Variants in SLC7A14 observed in about 807,000 individuals in gnomAD.
SLC7A14 encodes gamma-aminobutyric acid transporter SLC7A14.
A neutral mutation model predicts 60.2 loss-of-function variants in SLC7A14; 37 were observed. The observed-to-expected ratio is 0.61, with a 90% CI of 0.47 to 0.81. The LOEUF (loss-of-function observed/expected upper bound fraction) is 0.81, where lower values mean the gene tolerates loss of function less well. SLC7A14 is among the 30% of genes least tolerant of loss of function. The pLI is 0.00. For missense variants in SLC7A14, 886 were observed against 982.7 expected, an observed-to-expected ratio of 0.90 and a Z score of 1.32; for synonymous variants, 399 against 395.8, an observed-to-expected ratio of 1.01 and a Z score of -0.10.
At chr3:170,501,039 T>C in intron 3 of SLC7A14, 70 bp downstream of exon 3, 1 of 1,504,306 alleles carries the variant, frequency 6.6e-7, no homozygotes, top group Non-Finnish European at 9.2e-7. Context: ...AATTGCTTTC[T>C]GAAAGGAGAA....
chr3:170,469,597 A>G (rs1739824858), intron 7 of SLC7A14, among the ~76,000 whole-genome samples: 1 of 152,100 alleles, frequency 6.6e-6, no homozygotes, highest in South Asian at 2.1e-4. Flanking sequence ...TTCTTGGAGA[A>G]TGCCTCTGTC....
intron 1 of SLC7A14, among the ~76,000 whole-genome samples, chr3:170,530,425 C>T (rs1181458585): frequency 1.3e-5 from 2 of 152,020 alleles, no homozygotes; most frequent in Admixed American, 6.6e-5. Flanking sequence ...CAAAGTAGGC[C>T]GGGAGAAGGG....
intron 1 of SLC7A14, among the ~76,000 whole-genome samples, chr3:170,564,117 CA>C (rs1714732683): frequency 6.6e-6 from 1 of 152,204 alleles, no homozygotes; most frequent in Non-Finnish European, 1.5e-5. Context: ...ATCCTCTCTC[CA>C]GTGTCGTCAG....
intron 1 of SLC7A14, among the ~76,000 whole-genome samples, chr3:170,537,296 A>G (rs890927502): frequency 3.9e-5 from 6 of 152,112 alleles, no homozygotes; most frequent in African/African-American, 1.2e-4. Context: ...AAAACCAGCA[A>G]CATAGTATCT....
rs1739623874 is a variant in SLC7A14 at position 170,462,266 on chromosome 3, G to A, written c.*4789C>T. On this transcript the variant is annotated 3_prime_UTR_variant, in exon 8 of 8. Transcript: ENST00000231706. Reference sequence around the variant, plus strand: ...TCAACCTGATGTAGCTTCTGTTTATGTTGCAGATAAGAGGTGGTTTCTTGT... The same window carrying A: ...TCAACCTGATGTAGCTTCTGTTTATATTGCAGATAAGAGGTGGTTTCTTGT... 1 of 152,164 alleles carries A rather than the reference G, an allele frequency of 6.6e-6. No homozygotes were observed. The highest frequency in any genetic ancestry group is 2.1e-4 in the South Asian group (1 of 4,824). 9.4% of individuals were successfully genotyped at this position (152,164 alleles called of 1,614,324 possible).
intron 1 of SLC7A14, among the ~76,000 whole-genome samples, chr3:170,552,752 T>C (rs1462967874): frequency 6.6e-6 from 1 of 152,254 alleles, no homozygotes; most frequent in Non-Finnish European, 1.5e-5. Flanking sequence ...TGTTTTCTTC[T>C]CTGCCTTTTC....
intron 5 of SLC7A14, 46 bp downstream of exon 5, chr3:170,486,176 C>A: frequency 6.2e-7 from 1 of 1,606,538 alleles, no homozygotes; most frequent in Non-Finnish European, 8.5e-7. Flanking sequence ...GAGCTCAGTG[C>A]CAGGGCCACA....
chr3:170,559,231 A>G (rs568451753), intron 1 of SLC7A14, among the ~76,000 whole-genome samples: 1 of 152,088 alleles, frequency 6.6e-6, no homozygotes, highest in South Asian at 2.1e-4. Flanking sequence ...TATAAAATGT[A>G]TTTTTTTTCT....
chr3:170,550,799 G>A (rs1714327116), intron 1 of SLC7A14, among the ~76,000 whole-genome samples: 1 of 151,986 alleles, frequency 6.6e-6, no homozygotes, highest in African/African-American at 2.4e-5. Context: ...TGGGATTACA[G>A]GCATGAGACA....
chr3:170,486,291 C>A lies in SLC7A14; in HGVS notation c.837G>T (p.Lys279Asn). 6.2e-7 allele frequency: 1 copy of A among 1,614,234 alleles called. No individual in the cohort carries two copies. The change falls in exon 5 of 8, where the codon AAG (lysine) becomes AAT (asparagine). Residue 279 changes from lysine to asparagine, a missense_variant. Transcript: ENST00000231706. ...CATAAGGGATGGACGTGTTGGGATT[C>A]TTGGCTTCCTCTCCAGTGGTGGCGA... ...DIIATTGEEA[K>N]NPNTSIPYAI...
chr3:170,497,087 C>CA (rs548290941), intron 4 of SLC7A14, among the ~76,000 whole-genome samples: 9,191 of 91,642 alleles, frequency 0.1, 267 homozygotes, highest in East Asian at 0.17. Context: ...TTATTTTGTC[C>CA]AAAAAAAAAA....
At chr3:170,490,031 A>C (rs1228550666) in intron 4 of SLC7A14, among the ~76,000 whole-genome samples, 2 of 152,180 alleles carry the variant, frequency 1.3e-5, no homozygotes, top group African/African-American at 4.8e-5. Context: ...CTACTATTAG[A>C]TAACATAACA....
intron 4 of SLC7A14, among the ~76,000 whole-genome samples, chr3:170,492,111 C>G (rs189265344): frequency 1.3e-5 from 2 of 152,096 alleles, no homozygotes; most frequent in African/African-American, 4.8e-5. Flanking sequence ...CCACTGAAAC[C>G]GTTTTCTACG....
chr3:170,556,084 T>C (rs1281918476), intron 1 of SLC7A14, among the ~76,000 whole-genome samples: 1 of 152,224 alleles, frequency 6.6e-6, no homozygotes, highest in East Asian at 1.9e-4. Flanking sequence ...CCACAAATGT[T>C]GGTTGTACTA....
intron 2 of SLC7A14, among the ~76,000 whole-genome samples, chr3:170,515,314 C>A (rs995300222): frequency 1.1e-4 from 11 of 98,246 alleles, no homozygotes; most frequent in South Asian, 3.3e-4. Flanking sequence ...CTCTGTCCGC[C>A]CCCCCCAAAA....
chr3:170,571,274 C>G (rs759925118), intron 1 of SLC7A14, among the ~76,000 whole-genome samples: 76 of 152,296 alleles, frequency 5.0e-4, no homozygotes, highest in Non-Finnish European at 9.1e-4. Flanking sequence ...GTTCCTGGCA[C>G]ATGTAGATAC....
chr3:170,583,077 TC>T (rs1715281622), intron 1 of SLC7A14, among the ~76,000 whole-genome samples: 1 of 152,242 alleles, frequency 6.6e-6, no homozygotes, highest in African/African-American at 2.4e-5. Context: ...TTTATAAAAA[TC>T]CTTAGGTCTT....
Position 170,535,753 on chromosome 3 carries a change from C to A in SLC7A14, c.-152-8665G>T, listed in dbSNP as rs1340279861. ...TGGCCCTCTCCACATAGCCCTAACT[C>A]TCTCTGGTTCTGATAATTCTTTCTT... On this transcript the variant is annotated intron_variant, in intron 1 of 7. Coordinates refer to ENST00000231706, the MANE Select transcript of SLC7A14 (RefSeq NM_020949.3). The surrounding 1 kb of genome is among the most constrained non-coding windows in gnomAD (Gnocchi z 4.3). 2.0e-5 allele frequency among the ~76,000 whole-genome samples: 3 copies of A among 152,234 alleles called. No individual in the cohort carries two copies. The highest frequency in any genetic ancestry group is 4.4e-5 in the Non-Finnish European group (3 of 68,036).
intron 2 of SLC7A14, among the ~76,000 whole-genome samples, chr3:170,525,309 G>A (rs1309145960): frequency 6.6e-6 from 1 of 152,220 alleles, no homozygotes; most frequent in Non-Finnish European, 1.5e-5. Context: ...AAGAGGAAAA[G>A]GCAATAGGAG....
Sources: allele counts gnomAD v4.1 joint callset (sites outside exome capture counted in the v4.1 genomes callset), GRCh38; gene constraint gnomAD v4.1.1; non-coding constraint Gnocchi (gnomAD v3.1); transcripts MANE v1.5; gene names NCBI Gene and HGNC (gene_info 2026-07-23, HGNC 2026-07-21).